Variants in AGBL4 observed in about 807,000 individuals in gnomAD.
AGBL4 encodes cytosolic carboxypeptidase 6.
A neutral mutation model predicts 66.4 loss-of-function variants in AGBL4; 58 were observed. The ratio of observed to expected loss-of-function variants is 0.87; its 90% confidence interval spans 0.71 to 1.09. AGBL4 has a LOEUF of 1.09. AGBL4 is among the 50% of genes least tolerant of loss of function. AGBL4 has a pLI of 0.00. For missense variants in AGBL4, 579 were observed against 631.0 expected (o/e 0.92, Z 0.88); for synonymous variants, 234 against 222.9 (o/e 1.05, Z -0.44).
chr1:49,284,825 A>G (rs1323497266), intron 3 of AGBL4, among the ~76,000 whole-genome samples: 2 of 151,040 alleles, frequency 1.3e-5, no homozygotes, highest in Non-Finnish European at 3.0e-5. Context: ...AGAGCTAACT[A>G]TCCTAAATAT....
At chr1:49,046,049 A>T (rs1644071878) in intron 4 of AGBL4, among the ~76,000 whole-genome samples, 1 of 152,188 alleles carries the variant, frequency 6.6e-6, no homozygotes, top group Non-Finnish European at 1.5e-5. Context: ...AAATAGACAC[A>T]TTCTATTCAC....
chr1:48,718,722 A>G (rs1647093890), intron 6 of AGBL4, among the ~76,000 whole-genome samples: 4 of 152,124 alleles, frequency 2.6e-5, no homozygotes, highest in African/African-American at 7.2e-5. Context: ...TCAGGGCCAC[A>G]CCACTTGTGG....
At chr1:49,228,005 A>G (rs540780565) in intron 4 of AGBL4, among the ~76,000 whole-genome samples, 1 of 152,128 alleles carries the variant, frequency 6.6e-6, no homozygotes, top group East Asian at 1.9e-4. Flanking sequence ...AGATCTCTAT[A>G]CTGTGATATC....
intron 10 of AGBL4, among the ~76,000 whole-genome samples, chr1:48,589,906 T>C (rs1309204740): frequency 2.6e-5 from 4 of 152,146 alleles, no homozygotes; most frequent in Non-Finnish European, 5.9e-5. Context: ...GTCTGACATG[T>C]GGTAGGTGCT....
intron 5 of AGBL4, 54 bp from the exon 6 acceptor site, chr1:48,867,284 T>C (rs1648199290): frequency 6.3e-7 from 1 of 1,591,400 alleles, no homozygotes. Context: ...GCCAAAATTG[T>C]GCTTAGCAGG....
At chr1:48,669,635 A>G (rs2148464891) in intron 6 of AGBL4, among the ~76,000 whole-genome samples, 1 of 152,224 alleles carries the variant, frequency 6.6e-6, no homozygotes, top group African/African-American at 2.4e-5. Context: ...GACTTTATAT[A>G]TATTTTCCTA....
chr1:49,491,076 T>C (rs1039668664), intron 3 of AGBL4, among the ~76,000 whole-genome samples: 2 of 151,748 alleles, frequency 1.3e-5, no homozygotes, highest in Admixed American at 6.6e-5. Context: ...CCACACAAAG[T>C]AGAAGCTCAG....
chr1:49,074,816 T>C (rs1293560179), intron 4 of AGBL4, among the ~76,000 whole-genome samples: 1 of 152,144 alleles, frequency 6.6e-6, no homozygotes, highest in Non-Finnish European at 1.5e-5. Context: ...TACAAGCATA[T>C]GATTCCAACA....
intron 6 of AGBL4, among the ~76,000 whole-genome samples, chr1:48,796,585 A>G (rs1440986315): frequency 4.6e-5 from 7 of 152,210 alleles, no homozygotes; most frequent in Non-Finnish European, 1.0e-4. Flanking sequence ...CTAAATATAC[A>G]TAGTTGGGCA....
Position 49,979,354 on chromosome 1 carries a change from G to C in AGBL4, c.34+44409C>G, listed in dbSNP as rs371115866. 1.9e-3 allele frequency among the ~76,000 whole-genome samples: 284 copies of C among 151,668 alleles called. 4 individuals carry two copies. In the East Asian group the frequency reaches 0.031, roughly 17 times the overall value. Reference sequence around the variant, plus strand: ...CGGGCGCCTGTAGTCCCAGCTACTCGGGAGGCTGAGGCAGGAGAATGGCGT... The same window carrying C: ...CGGGCGCCTGTAGTCCCAGCTACTCCGGAGGCTGAGGCAGGAGAATGGCGT... On this transcript the variant is annotated intron_variant, in intron 1 of 13. Transcript: ENST00000371839.
At chr1:49,600,579 T>A (rs1644936270) in intron 3 of AGBL4, among the ~76,000 whole-genome samples, 1 of 152,244 alleles carries the variant, frequency 6.6e-6, no homozygotes, top group African/African-American at 2.4e-5. Flanking sequence ...CCAGTCTGTG[T>A]ATTTTAATGA....
chr1:48,758,549 T>A (rs2148654945), intron 6 of AGBL4, among the ~76,000 whole-genome samples: 1 of 152,372 alleles, frequency 6.6e-6, no homozygotes, highest in Admixed American at 6.5e-5. Context: ...CATGTCTACT[T>A]CTTTTTACTA....
At chr1:48,577,692 A>C (rs1644675624) in intron 11 of AGBL4, among the ~76,000 whole-genome samples, 1 of 137,970 alleles carries the variant, frequency 7.2e-6, no homozygotes. Flanking sequence ...TCAGCCGGGC[A>C]CTGCAGAGAG....
Position 49,529,510 on chromosome 1 carries a change from C to T in AGBL4, c.282+167803G>A, listed in dbSNP as rs1015384634. Among the ~76,000 whole-genome samples the T allele has an allele frequency of 4.6e-5, 7 of 151,964 alleles. 1 individual carries two copies. The highest frequency in any genetic ancestry group is 7.4e-5 in the Non-Finnish European group (5 of 67,980). On this transcript the variant is annotated intron_variant, in intron 3 of 13. Transcript: ENST00000371839. ...CCTGGCCAACATGGTGAAACCCCTT[C>T]TCTACTAAAAATATAAAAATTAGCT...
intron 11 of AGBL4, among the ~76,000 whole-genome samples, chr1:48,545,343 A>G (rs1644141954): frequency 6.6e-6 from 1 of 152,126 alleles, no homozygotes; most frequent in Admixed American, 6.5e-5. Context: ...CTCCAACCCT[A>G]TTACATATTC....
chr1:49,464,127 A>G (rs1646574999), intron 3 of AGBL4, among the ~76,000 whole-genome samples: 1 of 151,762 alleles, frequency 6.6e-6, no homozygotes, highest in Admixed American at 6.6e-5. Context: ...AACAGAGGGA[A>G]ACTGTGGAAC....
At chr1:48,740,212 G>A (rs1169871959) in intron 6 of AGBL4, among the ~76,000 whole-genome samples, 3 of 152,224 alleles carry the variant, frequency 2.0e-5, no homozygotes, top group Non-Finnish European at 4.4e-5. Context: ...CGGGGCATTT[G>A]AGACAAGGGC....
chr1:49,208,864 C>A (rs1648452537), intron 4 of AGBL4, among the ~76,000 whole-genome samples: 1 of 152,058 alleles, frequency 6.6e-6, no homozygotes, highest in East Asian at 1.9e-4. Context: ...CGGAACCACA[C>A]ATGCATGTAG....
chr1:48,528,481 T>C (rs149948816), downstream of AGBL4, among the ~76,000 whole-genome samples: 691 of 152,158 alleles, frequency 4.5e-3, 4 homozygotes, highest in African/African-American at 0.016. Flanking sequence ...ATAGGCATCA[T>C]TAGGATGACT....
Sources: allele counts gnomAD v4.1 joint callset (sites outside exome capture counted in the v4.1 genomes callset), GRCh38; gene constraint gnomAD v4.1.1; transcripts MANE v1.5; gene names NCBI Gene and HGNC (gene_info 2026-07-23, HGNC 2026-07-21).